The following SRBD1 variants were observed in gnomAD, a reference collection of about 807,000 sequenced individuals.
SRBD1 encodes S1 RNA-binding domain-containing protein 1.
Under a neutral mutation model 115.3 loss-of-function variants are expected in SRBD1, and 88 were observed. That is an observed-to-expected ratio of 0.76 (90% CI 0.64 to 0.91). The LOEUF (loss-of-function observed/expected upper bound fraction) is 0.91. Among genes scored for constraint, SRBD1 ranks in the 40% least tolerant of loss-of-function variants. The probability of loss-of-function intolerance (pLI) is 0.00; values close to 1 mark genes in which losing one functional copy is unlikely to be tolerated. For synonymous variants in SRBD1, 509 were observed against 407.7 expected, an observed-to-expected ratio of 1.25 and a Z score of -2.99; for missense variants, 1,385 against 1,177.4, an observed-to-expected ratio of 1.18 and a Z score of -2.58.
intron 16 of SRBD1, among the ~76,000 whole-genome samples, chr2:45,470,986 TTCTC>T (rs199999121): frequency 0.029 from 4,436 of 152,326 alleles, 212 homozygotes; most frequent in African/African-American, 0.1. Flanking sequence ...CTATTTAACA[TTCTC>T]TCTTTGAACA....
At chr2:45,475,314 C>T (rs543545430) in intron 16 of SRBD1, among the ~76,000 whole-genome samples, 1 of 152,280 alleles carries the variant, frequency 6.6e-6, no homozygotes, top group South Asian at 2.1e-4. Flanking sequence ...CTCACCTGGG[C>T]TAGTACAAGA....
At chr2:45,551,030 A>ATTC (rs1672281932) in intron 12 of SRBD1, 95 bp downstream of exon 12, 2 of 1,435,246 alleles carry the variant, frequency 1.4e-6, no homozygotes, top group Non-Finnish European at 1.8e-6. Flanking sequence ...TAAGCCTTTA[A>ATTC]AATTAACATT....
At chr2:45,400,049 T>C (rs76837897) in intron 19 of SRBD1, among the ~76,000 whole-genome samples, 2,933 of 152,312 alleles carry the variant, frequency 0.019, 45 homozygotes, top group African/African-American at 0.035. Flanking sequence ...CTTTTTACTA[T>C]AAATGCCATC....
At chr2:45,420,529 T>G (rs920599213) in intron 16 of SRBD1, among the ~76,000 whole-genome samples, 9 of 152,222 alleles carry the variant, frequency 5.9e-5, no homozygotes, top group African/African-American at 1.9e-4. Flanking sequence ...TTTTATTTAT[T>G]TGTTAAATAT....
At chr2:45,561,717 G>A (rs1005694142) in intron 10 of SRBD1, among the ~76,000 whole-genome samples, 2 of 152,078 alleles carry the variant, frequency 1.3e-5, no homozygotes, top group Admixed American at 1.3e-4. Flanking sequence ...ATTACACTCT[G>A]AAAAATTAAA....
At chr2:45,597,752 C>G (rs961884559) in intron 4 of SRBD1, among the ~76,000 whole-genome samples, 1 of 152,164 alleles carries the variant, frequency 6.6e-6, no homozygotes, top group Non-Finnish European at 1.5e-5. Context: ...AAACTCTTTT[C>G]TACTTAAGCT....
chr2:45,444,191 A>C (rs2103719322), intron 16 of SRBD1, among the ~76,000 whole-genome samples: 1 of 152,276 alleles, frequency 6.6e-6, no homozygotes, highest in South Asian at 2.1e-4. Flanking sequence ...GGATCTCTTG[A>C]GGTCAGGAGC....
chr2:45,505,731 G>T (rs557700705), intron 14 of SRBD1, among the ~76,000 whole-genome samples: 1 of 152,262 alleles, frequency 6.6e-6, no homozygotes, highest in South Asian at 2.1e-4. Flanking sequence ...AGCTTTATCA[G>T]GAAGTTAGGA....
intron 16 of SRBD1, among the ~76,000 whole-genome samples, chr2:45,453,305 A>G (rs1669053325): frequency 6.6e-6 from 1 of 151,390 alleles, no homozygotes; most frequent in Non-Finnish European, 1.5e-5. Context: ...AAGAAAAAGG[A>G]AAGAAAGACT....
chr2:45,437,941 T>G (rs767124902), intron 16 of SRBD1, among the ~76,000 whole-genome samples: 1 of 152,246 alleles, frequency 6.6e-6, no homozygotes, highest in Non-Finnish European at 1.5e-5. Context: ...TTTATGATAC[T>G]ATAAATAGTG....
chr2:45,553,967 T>C (rs1672389887), intron 10 of SRBD1, among the ~76,000 whole-genome samples: 1 of 152,138 alleles, frequency 6.6e-6, no homozygotes, highest in Non-Finnish European at 1.5e-5. Context: ...AGGAAAAAAT[T>C]TCCTCTTCAG....
intron 19 of SRBD1, among the ~76,000 whole-genome samples, chr2:45,400,492 A>T (rs918362029): frequency 9.2e-5 from 14 of 152,200 alleles, no homozygotes; most frequent in African/African-American, 2.9e-4. Context: ...AGAAACCAGC[A>T]TTTTCTCCAG....
At chr2:45,578,271 A>C (rs1283682664) in intron 7 of SRBD1, among the ~76,000 whole-genome samples, 1 of 152,196 alleles carries the variant, frequency 6.6e-6, no homozygotes, top group Non-Finnish European at 1.5e-5. Context: ...ACAGTTTCCC[A>C]CTGTGGTTAA....
chr2:45,458,670 A>G (rs2103765447), intron 16 of SRBD1, among the ~76,000 whole-genome samples: 1 of 152,294 alleles, frequency 6.6e-6, no homozygotes, highest in Admixed American at 6.5e-5. Flanking sequence ...TACATTTTTG[A>G]AAACAGAATG....
intron 4 of SRBD1, among the ~76,000 whole-genome samples, chr2:45,588,251 C>T (rs528291491): frequency 1.3e-5 from 2 of 152,288 alleles, no homozygotes; most frequent in South Asian, 4.1e-4. Context: ...CTTACCATGA[C>T]CCAAAAGAAA....
At chr2:45,510,210 G>C (rs1205030542) in intron 14 of SRBD1, among the ~76,000 whole-genome samples, 1 of 152,048 alleles carries the variant, frequency 6.6e-6, no homozygotes, top group East Asian at 1.9e-4. Flanking sequence ...AAAAATGTAA[G>C]TTTTCTGTTA....
chr2:45,499,384 T>C (rs369841159), intron 14 of SRBD1, among the ~76,000 whole-genome samples: 81 of 152,334 alleles, frequency 5.3e-4, no homozygotes, highest in African/African-American at 1.8e-3. Context: ...TTTCACTTCC[T>C]TATATGTTCT....
intron 5 of SRBD1, among the ~76,000 whole-genome samples, chr2:45,582,312 T>C (rs1673389832): frequency 6.6e-6 from 1 of 152,178 alleles, no homozygotes; most frequent in Admixed American, 6.5e-5. Flanking sequence ...TAAATACCGA[T>C]GGAGCATCTT....
intron 14 of SRBD1, among the ~76,000 whole-genome samples, chr2:45,516,961 G>A (rs192396020): frequency 5.3e-4 from 81 of 152,268 alleles, no homozygotes; most frequent in African/African-American, 1.9e-3. Context: ...AACATGTCCT[G>A]CACCCATGGA....
Sources: gnomAD v4.1 joint callset for allele counts (sites outside exome capture counted in the v4.1 genomes callset) on GRCh38, gnomAD v4.1.1 for gene constraint, MANE v1.5 for transcripts, NCBI Gene and HGNC (gene_info 2026-07-23, HGNC 2026-07-21) for gene names.